Variants in CNTN3 observed in about 807,000 individuals in gnomAD.
CNTN3 encodes contactin-3.
In CNTN3, 60 loss-of-function variants were observed where a neutral mutation model predicts 119.1. That is an observed-to-expected ratio of 0.50 (90% CI 0.41 to 0.62). The LOEUF (loss-of-function observed/expected upper bound fraction) is 0.62, where lower values mean the gene tolerates loss of function less well. Ranked by LOEUF, CNTN3 falls within the 20% of genes least tolerant of loss-of-function variation. The pLI is 0.00. For missense variants in CNTN3, 1,101 were observed against 1,242.4 expected (o/e 0.89, Z 1.71); for synonymous variants, 450 against 438.7 (o/e 1.03, Z -0.32).
intron 1 of CNTN3, among the ~76,000 whole-genome samples, chr3:74,546,689 C>T (rs1703920131): frequency 6.6e-6 from 1 of 152,190 alleles, no homozygotes; most frequent in Admixed American, 6.5e-5. Context: ...GAAGCCTGCA[C>T]TGTCGGCGTC....
At chr3:74,410,393 A>T (rs1233030047) in intron 5 of CNTN3, among the ~76,000 whole-genome samples, 1 of 152,174 alleles carries the variant, frequency 6.6e-6, no homozygotes, top group African/African-American at 2.4e-5. Context: ...GTATCTGTAA[A>T]TGGTTGGCAA....
At chr3:74,267,478 A>T in intron 20 of CNTN3, 100 bp from the exon 21 acceptor site, 2 of 779,556 alleles carry the variant, frequency 2.6e-6, no homozygotes. Context: ...TGGAAGTAGA[A>T]CGGGATGCCT....
At chr3:74,522,108 C>T (rs2107123323) in intron 1 of CNTN3, among the ~76,000 whole-genome samples, 1 of 151,940 alleles carries the variant, frequency 6.6e-6, no homozygotes, top group East Asian at 2.0e-4. Flanking sequence ...GGGTTCCTGA[C>T]ATGTGGCGTA....
At chr3:74,344,306 T>C (rs1016659451) in intron 11 of CNTN3, among the ~76,000 whole-genome samples, 6 of 151,976 alleles carry the variant, frequency 3.9e-5, no homozygotes, top group Non-Finnish European at 8.8e-5. Flanking sequence ...CAAGATAGAA[T>C]AGTTTTGCCC....
intron 2 of CNTN3, among the ~76,000 whole-genome samples, chr3:74,501,481 G>A (rs1392887389): frequency 6.6e-6 from 1 of 152,022 alleles, no homozygotes; most frequent in Non-Finnish European, 1.5e-5. Context: ...TCCTCTAGCT[G>A]ATTTTAGTAT....
chr3:74,550,439 A>G (rs7432685), intron 1 of CNTN3, among the ~76,000 whole-genome samples: 4,159 of 150,486 alleles, frequency 0.028, 74 homozygotes, highest in Admixed American at 0.057. Context: ...ACCAGAAAGC[A>G]TCTGCAATTG....
At chr3:74,572,857 T>C (rs1320233409) in intron 1 of CNTN3, among the ~76,000 whole-genome samples, 1 of 152,204 alleles carries the variant, frequency 6.6e-6, no homozygotes, top group Non-Finnish European at 1.5e-5. Context: ...TAACTGCCTG[T>C]ATTGAAGGAT....
intron 5 of CNTN3, among the ~76,000 whole-genome samples, chr3:74,398,701 T>G (rs546204551): frequency 3.3e-5 from 5 of 152,282 alleles, no homozygotes; most frequent in African/African-American, 1.2e-4. Flanking sequence ...ATAATTTACT[T>G]TTGGTATAGT....
chr3:74,593,076 G>GTTTTT (rs956166383), intron 1 of CNTN3, among the ~76,000 whole-genome samples: 1 of 151,866 alleles, frequency 6.6e-6, no homozygotes, highest in Non-Finnish European at 1.5e-5. Flanking sequence ...GTTTTGTTTT[G>GTTTTT]TTTTTAGAAA....
chr3:74,409,005 G>A (rs1701392862), intron 5 of CNTN3, among the ~76,000 whole-genome samples: 1 of 152,070 alleles, frequency 6.6e-6, no homozygotes, highest in Non-Finnish European at 1.5e-5. Context: ...ACTACACACA[G>A]CTTAGAAGAA....
intron 13 of CNTN3, among the ~76,000 whole-genome samples, chr3:74,318,032 C>G (rs937761094): frequency 6.6e-6 from 1 of 152,092 alleles, no homozygotes. Context: ...AGGCTTTGTT[C>G]GTTTCTTTCT....
At chr3:74,340,521 T>C (rs1703508163) in intron 11 of CNTN3, among the ~76,000 whole-genome samples, 1 of 152,096 alleles carries the variant, frequency 6.6e-6, no homozygotes, top group Non-Finnish European at 1.5e-5. Context: ...CAGTAAAATT[T>C]TGGGGCCATG....
At chr3:74,494,316 A>C (rs1055686981) in intron 3 of CNTN3, among the ~76,000 whole-genome samples, 2 of 152,162 alleles carry the variant, frequency 1.3e-5, no homozygotes, top group Admixed American at 1.3e-4. Context: ...AAACAAAAAA[A>C]GGATATGATT....
chr3:74,365,822 T>G, intron 8 of CNTN3, 120 bp from the exon 9 acceptor site: 1 of 1,128,478 alleles, frequency 8.9e-7, no homozygotes, highest in Non-Finnish European at 1.2e-6. Flanking sequence ...AGTAACAGAT[T>G]GAAGTGAGAA....
At chr3:74,302,274 T>C (rs1702475987) in intron 14 of CNTN3, among the ~76,000 whole-genome samples, 1 of 152,184 alleles carries the variant, frequency 6.6e-6, no homozygotes, top group Admixed American at 6.5e-5. Flanking sequence ...GCAGCTCAGG[T>C]TGGCAAATTT....
intron 5 of CNTN3, among the ~76,000 whole-genome samples, chr3:74,379,304 C>T (rs116483057): frequency 0.046 from 6,956 of 152,096 alleles, 219 homozygotes; most frequent in Middle Eastern, 0.078. Context: ...TACAGGTGTC[C>T]GCCACCATGT....
intron 1 of CNTN3, among the ~76,000 whole-genome samples, chr3:74,587,022 T>G (rs1282863394): frequency 6.6e-6 from 1 of 152,088 alleles, no homozygotes; most frequent in African/African-American, 2.4e-5. Context: ...CATTTCTCCT[T>G]GTCTCTCAAA....
chr3:74,485,389 A>C (rs947662064), intron 4 of CNTN3, among the ~76,000 whole-genome samples: 2 of 152,142 alleles, frequency 1.3e-5, no homozygotes, highest in Non-Finnish European at 2.9e-5. Flanking sequence ...CAGAGAAGAT[A>C]CAAGTAAAAA....
intron 4 of CNTN3, among the ~76,000 whole-genome samples, chr3:74,474,106 G>A (rs576374080): frequency 4.6e-5 from 7 of 152,224 alleles, no homozygotes; most frequent in Admixed American, 6.5e-5. Context: ...CTATTGCCAC[G>A]GGGGAGGTGA....
Sources: allele counts gnomAD v4.1 joint callset (sites outside exome capture counted in the v4.1 genomes callset), GRCh38; gene constraint gnomAD v4.1.1; transcripts MANE v1.5; gene names NCBI Gene and HGNC (gene_info 2026-07-23, HGNC 2026-07-21).